The following PTPRD variants were observed in gnomAD, a reference collection of about 807,000 sequenced individuals.
PTPRD encodes the protein protein tyrosine phosphatase receptor type D, also known as receptor-type tyrosine-protein phosphatase delta.
Under a neutral mutation model 214.5 loss-of-function variants are expected in PTPRD, and 34 were observed. The observed-to-expected ratio is 0.16, with a 90% CI of 0.12 to 0.21. The LOEUF is 0.21. Ranked by LOEUF, PTPRD falls within the 10% of genes least tolerant of loss-of-function variation. PTPRD has a pLI of 1.00. For missense variants in PTPRD, 2,545 were observed against 2,398.7 expected (o/e 1.06, Z -1.27); for synonymous variants, 1,128 against 845.7 (o/e 1.33, Z -5.79).
At chr9:8,481,864 T>C (rs1336870842) in intron 30 of PTPRD, among the ~76,000 whole-genome samples, 1 of 152,130 alleles carries the variant, frequency 6.6e-6, no homozygotes, top group Admixed American at 6.5e-5. Flanking sequence ...CTCACTGTAA[T>C]CTCCACCTCC....
At chr9:10,587,697 A>T (rs1210925401) in intron 2 of PTPRD, among the ~76,000 whole-genome samples, 1 of 152,080 alleles carries the variant, frequency 6.6e-6, no homozygotes, top group Non-Finnish European at 1.5e-5. Context: ...ATACCTGCTC[A>T]CTTAAGGACT....
At chr9:8,721,924 A>G (rs2154419795) in intron 12 of PTPRD, among the ~76,000 whole-genome samples, 1 of 152,332 alleles carries the variant, frequency 6.6e-6, no homozygotes, top group Middle Eastern at 3.4e-3. Flanking sequence ...TCTGTTCCAA[A>G]GCTTTCACAA....
chr9:8,571,981 T>C (rs2091272351), intron 14 of PTPRD, among the ~76,000 whole-genome samples: 1 of 152,216 alleles, frequency 6.6e-6, no homozygotes, highest in African/African-American at 2.4e-5. Flanking sequence ...GAATTAAAGT[T>C]GGTGGATGCG....
intron 3 of PTPRD, among the ~76,000 whole-genome samples, chr9:10,142,716 G>C (rs2154268635): frequency 6.7e-6 from 1 of 149,186 alleles, no homozygotes; most frequent in South Asian, 2.2e-4. Context: ...AGTCAGTGTG[G>C]CGATTCCTCA....
intron 10 of PTPRD, among the ~76,000 whole-genome samples, chr9:9,168,753 T>A (rs1445885196): frequency 2.6e-5 from 4 of 152,090 alleles, no homozygotes; most frequent in Non-Finnish European, 5.9e-5. Context: ...AATAATTCTA[T>A]TTTCAACTTC....
chr9:9,692,579 C>G (rs995905774), intron 7 of PTPRD, among the ~76,000 whole-genome samples: 1 of 150,756 alleles, frequency 6.6e-6, no homozygotes, highest in Non-Finnish European at 1.5e-5. Flanking sequence ...CAGTTTTGTT[C>G]TTTTTGCTCA....
At chr9:9,883,773 C>A (rs1337237374) in intron 5 of PTPRD, among the ~76,000 whole-genome samples, 3 of 152,068 alleles carry the variant, frequency 2.0e-5, no homozygotes, top group Admixed American at 6.6e-5. Context: ...TGAAATTTTT[C>A]CATCACTTGG....
intron 10 of PTPRD, among the ~76,000 whole-genome samples, chr9:9,169,597 A>G (rs2099910663): frequency 6.6e-6 from 1 of 152,150 alleles, no homozygotes; most frequent in Admixed American, 6.6e-5. Context: ...CCTTACATAT[A>G]TGGTGATACA....
chr9:9,888,071 T>C (rs575007914), intron 5 of PTPRD, among the ~76,000 whole-genome samples: 2 of 152,056 alleles, frequency 1.3e-5, no homozygotes, highest in Non-Finnish European at 2.9e-5. Context: ...GTAGCACACG[T>C]TGTTGTCTGC....
Position 8,543,879 on chromosome 9 carries a change from T to C in PTPRD, c.353-15100A>G, listed in dbSNP as rs575944815. On this transcript the variant is annotated intron_variant, in intron 14 of 45. Coordinates refer to ENST00000381196, the MANE Select transcript of PTPRD (RefSeq NM_002839.4). The stretch of plus-strand genomic sequence containing the variant: ...GCTGCGTGCCACAACACCCGGCTAA[T>C]TTTTCTATTTTTAGTAGAGACGGGG... Among the ~76,000 whole-genome samples, 3 of 152,000 alleles carry C rather than the reference T, an allele frequency of 2.0e-5. No individual in the cohort carries two copies. The East Asian group carries it at 5.8e-4, about 30-fold the overall frequency.
chr9:8,454,064 A>C (rs1457929419), intron 33 of PTPRD, among the ~76,000 whole-genome samples: 1 of 152,172 alleles, frequency 6.6e-6, no homozygotes, highest in African/African-American at 2.4e-5. Context: ...TTTAGCTATT[A>C]TTATTGCTCT....
intron 8 of PTPRD, among the ~76,000 whole-genome samples, chr9:9,475,120 C>A (rs1009826769): frequency 6.6e-6 from 1 of 152,186 alleles, no homozygotes; most frequent in African/African-American, 2.4e-5. Flanking sequence ...GGCAATGGTT[C>A]TCTTAACATA....
chr9:9,508,449 T>G (rs2096622045), intron 8 of PTPRD, among the ~76,000 whole-genome samples: 1 of 151,792 alleles, frequency 6.6e-6, no homozygotes, highest in African/African-American at 2.4e-5. Flanking sequence ...TATGTATATT[T>G]TACAGAAAAA....
chr9:8,997,053 C>A (rs888317371), intron 11 of PTPRD, among the ~76,000 whole-genome samples: 3 of 152,048 alleles, frequency 2.0e-5, no homozygotes, highest in African/African-American at 7.2e-5. Flanking sequence ...CAGTTTCCTG[C>A]ACTAGAGTCT....
intron 4 of PTPRD, among the ~76,000 whole-genome samples, chr9:9,974,555 C>T (rs1000795799): frequency 2.0e-5 from 3 of 152,174 alleles, no homozygotes; most frequent in Non-Finnish European, 4.4e-5. Flanking sequence ...AAATAAACCT[C>T]CACTTAATCT....
chr9:10,551,299 A>T (rs961454019), intron 2 of PTPRD, among the ~76,000 whole-genome samples: 2 of 152,184 alleles, frequency 1.3e-5, no homozygotes, highest in African/African-American at 2.4e-5. Context: ...TGATTATGCC[A>T]CTGCACTCCA....
rs544640594 is a variant in PTPRD at position 8,733,154 on chromosome 9, T to C, written c.64+626A>G. ...TAATTGTCAAGTTAATGGACCACAATAGCAGTTTCATAAATTGAGTCCAGT... is the reference window on the plus strand; with the variant it reads ...TAATTGTCAAGTTAATGGACCACAACAGCAGTTTCATAAATTGAGTCCAGT... On this transcript the variant is annotated intron_variant, in intron 12 of 45. Coordinates refer to ENST00000381196, the MANE Select transcript of PTPRD (RefSeq NM_002839.4). Among the ~76,000 whole-genome samples, 61 of 152,330 alleles carry C rather than the reference T, an allele frequency of 4.0e-4. No homozygotes were observed. The South Asian group carries it at 0.011, about 27-fold the overall frequency.
At chr9:10,329,853 A>G (rs1308230177) in intron 3 of PTPRD, among the ~76,000 whole-genome samples, 1 of 151,808 alleles carries the variant, frequency 6.6e-6, no homozygotes, top group Non-Finnish European at 1.5e-5. Flanking sequence ...TTGCATAACC[A>G]TTTTGATGCG....
chr9:9,136,721 G>A (rs1389587358), intron 10 of PTPRD, among the ~76,000 whole-genome samples: 1 of 152,154 alleles, frequency 6.6e-6, no homozygotes, highest in African/African-American at 2.4e-5. Flanking sequence ...ATTTGCCCCT[G>A]TAGATAAATT....
Sources: allele counts gnomAD v4.1 joint callset (sites outside exome capture counted in the v4.1 genomes callset), GRCh38; gene constraint gnomAD v4.1.1; transcripts MANE v1.5; gene names NCBI Gene and HGNC (gene_info 2026-07-23, HGNC 2026-07-21).